Variants in TXNDC5 observed in about 807,000 individuals in gnomAD.
The protein encoded by TXNDC5 is thioredoxin domain containing 5.
Under a neutral mutation model 52.6 loss-of-function variants are expected in TXNDC5, and 44 were observed. That is an observed-to-expected ratio of 0.84 (90% CI 0.66 to 1.08). The LOEUF is 1.08. Among genes scored for constraint, TXNDC5 ranks in the 50% least tolerant of loss-of-function variants. The pLI, the probability that TXNDC5 is intolerant of heterozygous loss-of-function variation, is 0.00. For missense variants in TXNDC5, 600 were observed against 565.5 expected, an observed-to-expected ratio of 1.06 and a Z score of -0.62; for synonymous variants, 241 against 234.4, an observed-to-expected ratio of 1.03 and a Z score of -0.26.
At chr6:7,885,177 A>G (rs1041174123) in intron 8 of TXNDC5, among the ~76,000 whole-genome samples, 2 of 152,206 alleles carry the variant, frequency 1.3e-5, no homozygotes, top group Non-Finnish European at 2.9e-5. Context: ...TTTTACCCCT[A>G]TGGTTAGTTT....
intron 4 of TXNDC5, chr6:7,894,712 G>C: frequency 1.0e-6 from 1 of 985,238 alleles, no homozygotes; most frequent in African/African-American, 1.7e-5. Flanking sequence ...ACAAGCTGCT[G>C]GAAAAACCGC....
intron 1 of TXNDC5, among the ~76,000 whole-genome samples, chr6:7,908,259 G>A (rs1314006168): frequency 7.3e-6 from 1 of 136,430 alleles, no homozygotes; most frequent in Non-Finnish European, 1.5e-5. Flanking sequence ...CTCCAGCCTG[G>A]CAACAGAGCA....
At chr6:7,890,224 A>C (rs1169602884) in intron 5 of TXNDC5, among the ~76,000 whole-genome samples, 2 of 152,176 alleles carry the variant, frequency 1.3e-5, no homozygotes, top group African/African-American at 4.8e-5. Flanking sequence ...TCTTGTTCTA[A>C]GTCATTGCTT....
chr6:7,889,449 G>A (rs1561807742), intron 6 of TXNDC5, 46 bp downstream of exon 6: 1 of 1,551,136 alleles, frequency 6.4e-7, no homozygotes, highest in Non-Finnish European at 8.9e-7. Flanking sequence ...CAGCCTGATG[G>A]GGTTAAGAGA....
intron 5 of TXNDC5, among the ~76,000 whole-genome samples, chr6:7,891,226 G>A (rs149546572): frequency 4.6e-5 from 7 of 152,250 alleles, no homozygotes; most frequent in East Asian, 3.9e-4. Context: ...GGTCTTCTGC[G>A]TGCTTGGGGG....
chr6:7,903,744 G>T (rs1186411933), intron 2 of TXNDC5, among the ~76,000 whole-genome samples: 1 of 152,186 alleles, frequency 6.6e-6, no homozygotes, highest in African/African-American at 2.4e-5. Flanking sequence ...AGTGACCGTG[G>T]CAATCCCTCC....
intron 9 of TXNDC5, among the ~76,000 whole-genome samples, chr6:7,883,938 T>C (rs888014441): frequency 2.0e-5 from 3 of 152,216 alleles, no homozygotes; most frequent in Non-Finnish European, 4.4e-5. Context: ...AAGGAGGTTA[T>C]GTTGAAATGA....
At chr6:7,907,468 A>T (rs528240797) in intron 1 of TXNDC5, among the ~76,000 whole-genome samples, 1 of 152,344 alleles carries the variant, frequency 6.6e-6, no homozygotes, top group East Asian at 1.9e-4. Context: ...CTGGCCATAC[A>T]GAAGTTGTGA....
At chr6:7,883,951 C>G (rs1390044683) in intron 9 of TXNDC5, among the ~76,000 whole-genome samples, 1 of 152,014 alleles carries the variant, frequency 6.6e-6, no homozygotes, top group Non-Finnish European at 1.5e-5. Flanking sequence ...TGAAATGATT[C>G]TTAGATTCAG....
chr6:7,895,407 CCCT>C (rs1760334311), intron 3 of TXNDC5, among the ~76,000 whole-genome samples: 1 of 152,104 alleles, frequency 6.6e-6, no homozygotes, highest in Admixed American at 6.6e-5. Context: ...GCAAAAAGCC[CCCT>C]CGTCAGCCTC....
intron 9 of TXNDC5, among the ~76,000 whole-genome samples, 180 bp downstream of exon 9, chr6:7,884,179 A>G (rs1279968292): frequency 6.6e-6 from 1 of 152,190 alleles, no homozygotes; most frequent in Admixed American, 6.5e-5. Flanking sequence ...CGGGCGAAGA[A>G]GAATGCCTTC....
intron 3 of TXNDC5, among the ~76,000 whole-genome samples, chr6:7,898,063 G>GTTT (rs879525922): frequency 6.9e-6 from 1 of 144,780 alleles, no homozygotes; most frequent in Non-Finnish European, 1.5e-5. Flanking sequence ...AGTTCAGAGA[G>GTTT]TTTTTTTTTT....
At chr6:7,895,259 T>C in intron 3 of TXNDC5, 57 bp from the exon 4 acceptor site, 1 of 1,512,334 alleles carries the variant, frequency 6.6e-7, no homozygotes, top group East Asian at 2.4e-5. Flanking sequence ...AGGGAAACCA[T>C]CCAGGAGGTG....
chr6:7,909,883 C>T (rs1032908276), intron 1 of TXNDC5: 3 of 986,020 alleles, frequency 3.0e-6, no homozygotes, highest in Non-Finnish European at 3.6e-6. Context: ...CAGCCGACCC[C>T]GGTGGCCGCG....
Position 7,888,864 on chromosome 6 carries a change from G to A in TXNDC5, c.820-16C>T. 1 of 1,592,860 alleles carries A rather than the reference G, an allele frequency of 6.3e-7. No individual in the cohort carries two copies. The highest frequency in any genetic ancestry group is 1.1e-5 in the South Asian group (1 of 87,502). ...ACTGATCCACCTGGCCAAGACACGG[G>A]CACGCGGCTGAGTGAGTCCACTGAG... On this transcript the variant is annotated splice_polypyrimidine_tract_variant and intron_variant, in intron 6 of 9. Transcript: ENST00000379757.
intron 5 of TXNDC5, among the ~76,000 whole-genome samples, chr6:7,889,993 C>T (rs572805059): frequency 2.0e-4 from 31 of 152,248 alleles, no homozygotes; most frequent in African/African-American, 7.5e-4. Context: ...AGAATTTACT[C>T]TCATGCTGAA....
intron 8 of TXNDC5, among the ~76,000 whole-genome samples, chr6:7,885,616 A>G (rs1299892541): frequency 6.6e-6 from 1 of 152,240 alleles, no homozygotes; most frequent in Non-Finnish European, 1.5e-5. Flanking sequence ...AAGAAAAGCC[A>G]TCTATTTGGA....
chr6:7,903,914 C>A (rs185810560), intron 2 of TXNDC5, among the ~76,000 whole-genome samples: 1 of 152,172 alleles, frequency 6.6e-6, no homozygotes, highest in African/African-American at 2.4e-5. Flanking sequence ...CAGGGCCAGT[C>A]AGTGGTGGGC....
Position 7,895,175 on chromosome 6 carries a change from T to G in TXNDC5, c.547A>C (p.Ser183Arg). Residue 183 changes from serine to arginine, a missense_variant, in exon 4 of 10, where the codon AGT (serine) becomes CGT (arginine). Coordinates refer to ENST00000379757, the MANE Select transcript of TXNDC5 (RefSeq NM_030810.5). ...VTPEPEVEPPSAPELKQGLYE... is the reference protein window; with the variant it reads ...VTPEPEVEPPRAPELKQGLYE... ...AGCCCTTGCTTGAGCTCGGGGGCAC[T>G]GGGCGGTTCCACTTCCGGCTCTGGT... 1 of 1,613,554 alleles carries G rather than the reference T, an allele frequency of 6.2e-7. No homozygotes were observed. Among genetic ancestry groups the G allele is most frequent in the South Asian group, 1.1e-5 (1 of 90,810 alleles).
Sources: gnomAD v4.1 joint callset for allele counts (sites outside exome capture counted in the v4.1 genomes callset) on GRCh38, gnomAD v4.1.1 for gene constraint, MANE v1.5 for transcripts, NCBI Gene and HGNC (gene_info 2026-07-23, HGNC 2026-07-21) for gene names.